The following PLEKHA7 variants were observed in gnomAD, a reference collection of about 807,000 sequenced individuals.
The protein encoded by PLEKHA7 is pleckstrin homology domain containing A7.
A neutral mutation model predicts 170.0 loss-of-function variants in PLEKHA7; 104 were observed. The observed-to-expected ratio is 0.61, with a 90% confidence interval of 0.52 to 0.72. The LOEUF (loss-of-function observed/expected upper bound fraction) is 0.72. PLEKHA7 is among the 30% of genes least tolerant of loss of function. PLEKHA7 has a pLI of 0.00. For synonymous variants in PLEKHA7, 648 were observed against 660.8 expected (o/e 0.98, Z 0.30); for missense variants, 1,615 against 1,671.7 (o/e 0.97, Z 0.59).
chr11:17,013,894 G>A (rs973263695), intron 3 of PLEKHA7, 95 bp downstream of exon 3: 61 of 1,341,480 alleles, frequency 4.5e-5, no homozygotes, highest in Admixed American at 1.0e-4. Context: ...AGCCCGGGCC[G>A]GCGGGAGCAG....
chr11:16,851,214 T>C lies in PLEKHA7; in HGVS notation c.673A>G (p.Ile225Val), dbSNP rs1356670409. ...ACCTTAAAGGAATATTTGCGGCTTATGCGATCCTCAGGGGCCACAGGAGAG... is the reference window on the plus strand; with the variant it reads ...ACCTTAAAGGAATATTTGCGGCTTACGCGATCCTCAGGGGCCACAGGAGAG... ...VISPVAPEDR[I>V]SRKYSFKAVH... The change falls in exon 8 of 27, where the codon ATA (isoleucine) becomes GTA (valine). Residue 225 changes from isoleucine to valine, a missense_variant. Transcript: ENST00000531066. The C allele has an allele frequency of 2.5e-6, 4 of 1,610,362 alleles. No individual in the cohort carries two copies. Among genetic ancestry groups the C allele is most frequent in the Non-Finnish European group, 2.5e-6 (3 of 1,178,184 alleles).
At chr11:16,962,046 G>A (rs1257417041) in intron 3 of PLEKHA7, among the ~76,000 whole-genome samples, 2 of 152,234 alleles carry the variant, frequency 1.3e-5, no homozygotes, top group Admixed American at 1.3e-4. Flanking sequence ...CTTCAGAAGG[G>A]AGGAAATGGG....
intron 19 of PLEKHA7, 151 bp downstream of exon 19, chr11:16,794,337 C>G: frequency 1.4e-6 from 1 of 740,056 alleles, no homozygotes; most frequent in Non-Finnish European, 2.4e-6. Flanking sequence ...CAGGGAAATA[C>G]TACTTTTTAA....
rs770256101 is a variant in PLEKHA7, at chr11:16,885,501, A to C, written c.222-14319T>G. On this transcript the variant is annotated intron_variant, in intron 3 of 26. Transcript: ENST00000531066. ...CAGTGAAACCTCATCTCTACTAAAA[A>C]AAATATATATATATTAGCTGGGAGT... Among the ~76,000 whole-genome samples the C allele has an allele frequency of 7.1e-4, 107 of 150,950 alleles. 2 individuals carry two copies. The highest frequency in any genetic ancestry group is 8.1e-4 in the Non-Finnish European group (55 of 67,900).
intron 8 of PLEKHA7, among the ~76,000 whole-genome samples, chr11:16,844,326 G>C (rs1453727251): frequency 6.6e-6 from 1 of 152,112 alleles, no homozygotes; most frequent in Non-Finnish European, 1.5e-5. Flanking sequence ...TATAACCCTG[G>C]TCACTAATCA....
chr11:16,796,598 G>GT (rs1261226140), intron 17 of PLEKHA7, among the ~76,000 whole-genome samples: 4 of 152,208 alleles, frequency 2.6e-5, no homozygotes, highest in Non-Finnish European at 4.4e-5. Flanking sequence ...GGTGACGGCT[G>GT]TATCATGCTG....
chr11:16,829,712 G>A (rs1850951537), intron 9 of PLEKHA7, among the ~76,000 whole-genome samples: 1 of 152,150 alleles, frequency 6.6e-6, no homozygotes, highest in South Asian at 2.1e-4. Flanking sequence ...GGAGGCACAG[G>A]TTGCAGTAGC....
chr11:16,850,271 T>C (rs1852818704), intron 8 of PLEKHA7, among the ~76,000 whole-genome samples: 1 of 152,192 alleles, frequency 6.6e-6, no homozygotes, highest in African/African-American at 2.4e-5. Flanking sequence ...GCAACAAGTG[T>C]AGTGGGGACA....
At chr11:16,803,798 G>A (rs9667663) in intron 13 of PLEKHA7, among the ~76,000 whole-genome samples, 2,340 of 152,246 alleles carry the variant, frequency 0.015, 63 homozygotes, top group African/African-American at 0.052. Flanking sequence ...CCACTTCCCC[G>A]TGGGTAAGGC....
At chr11:16,873,256 T>TA (rs989567246) in intron 3 of PLEKHA7, among the ~76,000 whole-genome samples, 2 of 152,240 alleles carry the variant, frequency 1.3e-5, no homozygotes, top group Admixed American at 6.5e-5. Context: ...AAAAACTCTC[T>TA]AGGCCTACAA....
chr11:16,948,581 A>G (rs1276699426), intron 3 of PLEKHA7, among the ~76,000 whole-genome samples: 3 of 152,110 alleles, frequency 2.0e-5, no homozygotes, highest in South Asian at 2.1e-4. Flanking sequence ...GTGTTCACAC[A>G]TACATGCACA....
intron 12 of PLEKHA7, among the ~76,000 whole-genome samples, chr11:16,814,102 G>T (rs1011260882): frequency 6.6e-6 from 1 of 152,184 alleles, no homozygotes; most frequent in Non-Finnish European, 1.5e-5. Flanking sequence ...TTGAGGCAGG[G>T]CTCTTATGCA....
rs1370364376 is a variant in PLEKHA7, at chr11:16,803,016, G to A, written c.2113C>T (p.Leu705Phe). Reference protein sequence around the residue: ...LSIFCEQDRVLQDLEDKIRAL... With the variant: ...LSIFCEQDRVFQDLEDKIRAL... ...CGTATCTTGTCTTCCAAGTCCTGGA[G>A]GACCCTGTCTTGTTCACAGAAGATG... is the stretch of plus-strand genomic sequence containing the variant. Residue 705 changes from leucine to phenylalanine, a missense_variant, in exon 15 of 27, where the codon CTC becomes TTC. Transcript: ENST00000531066. 1 of 1,614,068 alleles carries A rather than the reference G, an allele frequency of 6.2e-7. No homozygotes were observed.
At chr11:16,897,410 T>C (rs1440861033) in intron 3 of PLEKHA7, among the ~76,000 whole-genome samples, 1 of 152,070 alleles carries the variant, frequency 6.6e-6, no homozygotes, top group Non-Finnish European at 1.5e-5. Flanking sequence ...CTCAATCATA[T>C]AGTGCAGAAA....
chr11:17,007,825 T>C (rs1865099900), intron 3 of PLEKHA7, among the ~76,000 whole-genome samples: 1 of 152,180 alleles, frequency 6.6e-6, no homozygotes, highest in African/African-American at 2.4e-5. Flanking sequence ...CCTCCTGCTT[T>C]GGCCATTCAA....
rs1376877695 is a variant in PLEKHA7 at position 16,826,597 on chromosome 11, T to C, written c.873-7A>G. ...CTCCACCTTCTCCATATCCCTGCAA[T>C]GACAGCAGCACATTCAGTTTGCTCC... On this transcript the variant is annotated splice_region_variant and splice_polypyrimidine_tract_variant and intron_variant, in intron 9 of 26. Coordinates refer to ENST00000531066, the MANE Select transcript of PLEKHA7 (RefSeq NM_001329630.2). 6.8e-6 allele frequency: 11 copies of C among 1,607,602 alleles called. No individual in the cohort carries two copies. The East Asian group carries it at 1.3e-4, about 20-fold the overall frequency.
intron 3 of PLEKHA7, among the ~76,000 whole-genome samples, chr11:16,965,182 G>T (rs765053823): frequency 6.6e-6 from 1 of 151,998 alleles, no homozygotes; most frequent in Non-Finnish European, 1.5e-5. Flanking sequence ...CATAAGTCAG[G>T]TGTGGTAGCG....
chr11:16,960,556 T>TG (rs1245232544), intron 3 of PLEKHA7, among the ~76,000 whole-genome samples: 1 of 152,024 alleles, frequency 6.6e-6, no homozygotes, highest in African/African-American at 2.4e-5. Context: ...GGAAGGCCCT[T>TG]CCCTCATCTG....
At chr11:16,896,637 G>A (rs1042055546) in intron 3 of PLEKHA7, among the ~76,000 whole-genome samples, 2 of 151,984 alleles carry the variant, frequency 1.3e-5, no homozygotes, top group African/African-American at 4.8e-5. Context: ...CTCTTTCTAC[G>A]ATCCTCCAGA....
Sources: allele counts gnomAD v4.1 joint callset (sites outside exome capture counted in the v4.1 genomes callset), GRCh38; gene constraint gnomAD v4.1.1; transcripts MANE v1.5; gene names NCBI Gene and HGNC (gene_info 2026-07-23, HGNC 2026-07-21).